The following COBLL1 variants were observed in gnomAD, a reference collection of about 807,000 sequenced individuals.
COBLL1 encodes cordon-bleu WH2 repeat protein like 1, also known as cordon-bleu protein-like 1.
A neutral mutation model predicts 94.8 loss-of-function variants in COBLL1; 50 were observed. The ratio of observed to expected loss-of-function variants is 0.53; its 90% CI spans 0.42 to 0.67. The LOEUF is 0.67. Among genes scored for constraint, COBLL1 ranks in the 30% least tolerant of loss-of-function variants. COBLL1 has a pLI of 0.00. For missense variants in COBLL1, 1,362 were observed against 1,348.7 expected (o/e 1.01, Z -0.15); for synonymous variants, 448 against 473.8 (o/e 0.95, Z 0.71).
intron 2 of COBLL1, among the ~76,000 whole-genome samples, chr2:164,772,940 T>C (rs147770448): frequency 3.3e-5 from 5 of 152,260 alleles, no homozygotes; most frequent in Middle Eastern, 3.4e-3. Context: ...CAACTTAGAA[T>C]GTCCACGAGC....
chr2:164,718,112 C>T (rs889801045), intron 7 of COBLL1: 5 of 303,462 alleles, frequency 1.6e-5, no homozygotes, highest in Admixed American at 6.5e-5. Context: ...TAAAATTTTA[C>T]GATATAAGTG....
chr2:164,706,212 C>T (rs1684592103), intron 7 of COBLL1, among the ~76,000 whole-genome samples: 1 of 152,196 alleles, frequency 6.6e-6, no homozygotes, highest in African/African-American at 2.4e-5. Flanking sequence ...TCAGAACTCA[C>T]TTATGAGACC....
At chr2:164,823,795 T>C (rs568877982) in intron 2 of COBLL1, among the ~76,000 whole-genome samples, 1 of 152,276 alleles carries the variant, frequency 6.6e-6, no homozygotes, top group East Asian at 1.9e-4. Flanking sequence ...TGTGTAACAA[T>C]CCCTGGGGTT....
chr2:164,724,222 G>A (rs2105505350), intron 5 of COBLL1: 1 of 152,274 alleles, frequency 6.6e-6, no homozygotes, highest in East Asian at 1.9e-4. Context: ...TAACTAAGAT[G>A]TAGACAAAGA....
intron 2 of COBLL1, among the ~76,000 whole-genome samples, chr2:164,760,682 G>A (rs536862307): frequency 1.3e-5 from 2 of 152,076 alleles, no homozygotes; most frequent in East Asian, 1.9e-4. Flanking sequence ...GCTAGAAGAA[G>A]GGCACAGAGA....
chr2:164,773,585 C>T (rs948947715), intron 2 of COBLL1: 15 of 306,300 alleles, frequency 4.9e-5, no homozygotes, highest in African/African-American at 3.4e-4. Context: ...AAAAAGAGTC[C>T]TCAGACATAT....
At chr2:164,690,296 A>T (rs1480660605) in intron 13 of COBLL1, among the ~76,000 whole-genome samples, 2 of 152,226 alleles carry the variant, frequency 1.3e-5, no homozygotes, top group Non-Finnish European at 1.5e-5. Context: ...TTTTTATTTT[A>T]AAAAAATTAG....
intron 2 of COBLL1, among the ~76,000 whole-genome samples, chr2:164,810,728 A>G (rs1684419782): frequency 6.6e-6 from 1 of 151,964 alleles, no homozygotes; most frequent in Admixed American, 6.5e-5. Flanking sequence ...TTCACAGTGG[A>G]AGCTTTAAAA....
rs141344663 is a variant in COBLL1 at position 164,750,118 on chromosome 2, T to C, written c.42-6243A>G. On this transcript the variant is annotated intron_variant, in intron 2 of 13. Coordinates refer to ENST00000652658, the MANE Select transcript of COBLL1 (RefSeq NM_001365672.2). ...AAAAGCCCATGGCTTCAAATATCAC[T>C]ATATGTCAGTGGCCGTCAAATTTAC... is the stretch of plus-strand genomic sequence containing the variant. Among the ~76,000 whole-genome samples the C allele has an allele frequency of 4.1e-4, 63 of 152,316 alleles. 1 individual carries two copies. The South Asian group carries it at 5.6e-3, about 14-fold the overall frequency.
chr2:164,784,102 C>G (rs908240553), intron 2 of COBLL1, among the ~76,000 whole-genome samples: 2 of 152,172 alleles, frequency 1.3e-5, no homozygotes, highest in African/African-American at 4.8e-5. Flanking sequence ...TCCAAGTAGA[C>G]CACTGTCATC....
intron 2 of COBLL1, among the ~76,000 whole-genome samples, chr2:164,784,928 T>G (rs1402383819): frequency 6.6e-6 from 1 of 152,120 alleles, no homozygotes. Flanking sequence ...TGTGACCGTG[T>G]TGGGAGGTGG....
At chr2:164,733,991 A>T (rs970391785) in intron 3 of COBLL1, among the ~76,000 whole-genome samples, 1 of 152,198 alleles carries the variant, frequency 6.6e-6, no homozygotes, top group African/African-American at 2.4e-5. Flanking sequence ...GACCAGCAGC[A>T]TCAGTATCTG....
chr2:164,778,832 A>G (rs1482616770), intron 2 of COBLL1, among the ~76,000 whole-genome samples: 2 of 152,134 alleles, frequency 1.3e-5, no homozygotes, highest in Non-Finnish European at 2.9e-5. Flanking sequence ...AGGGAAAGAA[A>G]TAGGTTTAGG....
chr2:164,739,247 T>C (rs1229279931), intron 3 of COBLL1, among the ~76,000 whole-genome samples: 5 of 152,060 alleles, frequency 3.3e-5, no homozygotes, highest in Admixed American at 1.3e-4. Context: ...TCCCTGAGCA[T>C]AAAGTCTGTG....
chr2:164,683,160 A>T lies in COBLL1; in HGVS notation c.*2786T>A, dbSNP rs954995593. On this transcript the variant is annotated 3_prime_UTR_variant, in exon 14 of 14. Coordinates refer to ENST00000652658, the MANE Select transcript of COBLL1 (RefSeq NM_001365672.2). ...AGTGGGATGCTGGGGATGAAAAAGA[A>T]TGTATTTTATACTCTATCATATATA... 6.6e-6 allele frequency: 1 copy of T among 151,996 alleles called. No homozygotes were observed. Among genetic ancestry groups the T allele is most frequent in the African/African-American group, 2.4e-5 (1 of 41,398 alleles). 9.4% of individuals were successfully genotyped at this position (151,996 alleles called of 1,614,324 possible).
chr2:164,670,746 G>C (rs1266191469), intron 1 of COBLL1, among the ~76,000 whole-genome samples: 7 of 152,174 alleles, frequency 4.6e-5, no homozygotes, highest in Non-Finnish European at 7.3e-5. Flanking sequence ...CCTGCATGGT[G>C]ATCAGCAACA....
rs532367620 is a variant in COBLL1, at chr2:164,691,768, T to C, written c.3300+453A>G. On this transcript the variant is annotated intron_variant, in intron 13 of 13. Coordinates refer to ENST00000652658, the MANE Select transcript of COBLL1 (RefSeq NM_001365672.2). ...TTATCTATCATCTACATTCTCTAGA[T>C]ATTCTGCACTTTTTTTTGGTTTAAC... is the stretch of plus-strand genomic sequence containing the variant. 3.3e-5 allele frequency among the ~76,000 whole-genome samples: 5 copies of C among 152,342 alleles called. No individual in the cohort carries two copies. In the South Asian group the frequency reaches 8.3e-4, roughly 25 times the overall value.
chr2:164,742,462 A>T (rs1004820145), intron 3 of COBLL1, among the ~76,000 whole-genome samples: 4 of 152,142 alleles, frequency 2.6e-5, no homozygotes, highest in Non-Finnish European at 5.9e-5. Flanking sequence ...TATTTCAAGA[A>T]TTGATGATAA....
chr2:164,777,964 T>C (rs999567787), intron 2 of COBLL1, among the ~76,000 whole-genome samples: 1 of 152,246 alleles, frequency 6.6e-6, no homozygotes, highest in South Asian at 2.1e-4. Flanking sequence ...CAGCATTCTA[T>C]GTGGCCTTGG....
Sources: allele counts gnomAD v4.1 joint callset (sites outside exome capture counted in the v4.1 genomes callset), GRCh38; gene constraint gnomAD v4.1.1; transcripts MANE v1.5; gene names NCBI Gene and HGNC (gene_info 2026-07-23, HGNC 2026-07-21).